The following EPHA6 variants were observed in gnomAD, a reference collection of about 807,000 sequenced individuals.
The protein encoded by EPHA6 is EPH receptor A6.
In EPHA6, 50 loss-of-function variants were observed where a neutral mutation model predicts 112.0. That is an observed-to-expected ratio of 0.45 (90% CI 0.36 to 0.56). The LOEUF is 0.56. Among genes scored for constraint, EPHA6 ranks in the 20% least tolerant of loss-of-function variants. EPHA6 has a pLI of 0.00. For missense variants in EPHA6, 1,280 were observed against 1,417.4 expected (o/e 0.90, Z 1.56); for synonymous variants, 529 against 490.7 (o/e 1.08, Z -1.03).
chr3:97,318,606 G>T (rs1452519587), intron 5 of EPHA6, among the ~76,000 whole-genome samples: 5 of 151,986 alleles, frequency 3.3e-5, no homozygotes, highest in Non-Finnish European at 1.5e-5. Context: ...TGACCATGCT[G>T]CATGAAACAA....
rs916579987 is a variant in EPHA6 at position 97,577,506 on chromosome 3, T to TA, written c.2387-15096dup. Among the ~76,000 whole-genome samples, 51 of 150,052 alleles carry TA rather than the reference T, an allele frequency of 3.4e-4. 1 individual carries two copies. Among genetic ancestry groups the TA allele is most frequent in the East Asian group, 2.9e-3 (15 of 5,112 alleles). On this transcript the variant is annotated intron_variant, in intron 11 of 17. Coordinates refer to ENST00000389672, the MANE Select transcript of EPHA6 (RefSeq NM_001080448.3). ...CAGGCATTGAGCTAAGCTTATGAAT[T>TA]AAAAAAAAAATCCCCTGTCTTGAGA... is the stretch of plus-strand genomic sequence containing the variant.
intron 11 of EPHA6, among the ~76,000 whole-genome samples, chr3:97,558,873 A>G (rs564969076): frequency 6.6e-4 from 101 of 152,164 alleles, no homozygotes; most frequent in Non-Finnish European, 1.2e-3. Context: ...CATACTAATG[A>G]TAAGCCAAAA....
Position 97,617,141 on chromosome 3 carries a change from A to G in EPHA6, c.2574+6287A>G, listed in dbSNP as rs529826070. On this transcript the variant is annotated intron_variant, in intron 13 of 17. Transcript: ENST00000389672. ...GGGGCATTCAACATTGTTAAAGGAA[A>G]GAGATTCCAACCCAGAATTTCATAT... is the stretch of plus-strand genomic sequence containing the variant. Among the ~76,000 whole-genome samples, 352 of 152,302 alleles carry G rather than the reference A, an allele frequency of 2.3e-3. 3 individuals are homozygous for G. Among genetic ancestry groups the G allele is most frequent in the South Asian group, 4.1e-3 (20 of 4,824 alleles).
intron 11 of EPHA6, among the ~76,000 whole-genome samples, chr3:97,562,432 A>G (rs1380834227): frequency 6.6e-6 from 1 of 152,142 alleles, no homozygotes; most frequent in Non-Finnish European, 1.5e-5. Context: ...GGAAAAAGTA[A>G]CTGCAGATGT....
chr3:97,473,273 A>G (rs1407217404), intron 7 of EPHA6, among the ~76,000 whole-genome samples: 2 of 151,800 alleles, frequency 1.3e-5, no homozygotes, highest in Non-Finnish European at 2.9e-5. Flanking sequence ...AGTTTAAGAA[A>G]CAATTATGCA....
chr3:97,626,137 A>G (rs1283068715), intron 13 of EPHA6, among the ~76,000 whole-genome samples: 1 of 151,768 alleles, frequency 6.6e-6, no homozygotes, highest in Non-Finnish European at 1.5e-5. Flanking sequence ...TGTTTTTTTA[A>G]GGCCCCAGCA....
chr3:97,519,144 C>G (rs1363278502), intron 10 of EPHA6, among the ~76,000 whole-genome samples: 2 of 152,094 alleles, frequency 1.3e-5, no homozygotes, highest in East Asian at 3.9e-4. Flanking sequence ...GCATTTAAAT[C>G]TTTAATATCT....
chr3:96,902,299 CAG>C (rs1438643619), intron 2 of EPHA6, among the ~76,000 whole-genome samples: 4 of 152,190 alleles, frequency 2.6e-5, no homozygotes, highest in Admixed American at 6.5e-5. Flanking sequence ...TTAATTCAAA[CAG>C]AAAGTATTTA....
At chr3:97,416,012 A>G (rs1380093979) in intron 6 of EPHA6, among the ~76,000 whole-genome samples, 2 of 152,094 alleles carry the variant, frequency 1.3e-5, no homozygotes, top group East Asian at 3.8e-4. Flanking sequence ...CCTAATTGTC[A>G]GAATTTTTTG....
intron 3 of EPHA6, among the ~76,000 whole-genome samples, chr3:97,184,674 A>G (rs1207650239): frequency 6.6e-6 from 1 of 152,190 alleles, no homozygotes; most frequent in African/African-American, 2.4e-5. Context: ...CATCCCCATC[A>G]AGCTACCAAT....
intron 14 of EPHA6, among the ~76,000 whole-genome samples, chr3:97,672,656 A>C (rs948279420): frequency 6.6e-6 from 1 of 152,152 alleles, no homozygotes; most frequent in Non-Finnish European, 1.5e-5. Context: ...AGAAGAAGGA[A>C]AGAAAAAAAG....
intron 14 of EPHA6, among the ~76,000 whole-genome samples, chr3:97,688,390 C>T (rs1000133844): frequency 6.6e-6 from 1 of 151,940 alleles, no homozygotes; most frequent in Admixed American, 6.6e-5. Flanking sequence ...GAGATTATCA[C>T]TTTTGTTAAA....
At chr3:97,465,816 G>A (rs1033784457) in intron 7 of EPHA6, among the ~76,000 whole-genome samples, 1 of 151,994 alleles carries the variant, frequency 6.6e-6, no homozygotes, top group Non-Finnish European at 1.5e-5. Flanking sequence ...ACCATAAACT[G>A]TGAAAATTCA....
intron 9 of EPHA6, among the ~76,000 whole-genome samples, chr3:97,479,691 T>C (rs2091474514): frequency 6.6e-6 from 1 of 152,168 alleles, no homozygotes; most frequent in African/African-American, 2.4e-5. Flanking sequence ...AGTGGAACAT[T>C]AGACATAGAA....
chr3:97,001,789 T>G (rs2043674063), intron 3 of EPHA6, among the ~76,000 whole-genome samples: 1 of 152,040 alleles, frequency 6.6e-6, no homozygotes, highest in Non-Finnish European at 1.5e-5. Context: ...AGAAGCATGC[T>G]GTACCAAAAA....
chr3:97,217,486 G>A (rs1481393140), intron 3 of EPHA6, among the ~76,000 whole-genome samples: 5 of 152,152 alleles, frequency 3.3e-5, no homozygotes, highest in East Asian at 1.9e-4. Flanking sequence ...CAATTAAATG[G>A]CATAGATTGT....
At chr3:97,345,111 C>T (rs2083474530) in intron 5 of EPHA6, among the ~76,000 whole-genome samples, 1 of 151,804 alleles carries the variant, frequency 6.6e-6, no homozygotes, top group Non-Finnish European at 1.5e-5. Flanking sequence ...AACATACGTA[C>T]TATTAGTAAA....
intron 7 of EPHA6, chr3:97,466,187 T>TGGAG (rs2091046164): frequency 1.4e-6 from 1 of 721,920 alleles, no homozygotes; most frequent in Non-Finnish European, 2.5e-6. Context: ...CACCCTACAC[T>TGGAG]TCCAATCCTA....
intron 2 of EPHA6, among the ~76,000 whole-genome samples, chr3:96,962,577 C>A (rs1189594511): frequency 6.7e-6 from 1 of 149,760 alleles, no homozygotes; most frequent in Admixed American, 6.7e-5. Context: ...TAAAGAGATT[C>A]CATTTTCAAA....
Sources: allele counts gnomAD v4.1 joint callset (sites outside exome capture counted in the v4.1 genomes callset), GRCh38; gene constraint gnomAD v4.1.1; transcripts MANE v1.5; gene names NCBI Gene and HGNC (gene_info 2026-07-23, HGNC 2026-07-21).